The following MACROD2 variants were observed in gnomAD, a reference collection of about 807,000 sequenced individuals.
The protein encoded by MACROD2 is ADP-ribose glycohydrolase MACROD2.
In MACROD2, 36 loss-of-function variants were observed where a neutral mutation model predicts 70.4. The observed-to-expected ratio is 0.51, with a 90% CI of 0.39 to 0.68. The LOEUF (loss-of-function observed/expected upper bound fraction) is 0.68. Ranked by LOEUF, MACROD2 falls within the 30% of genes least tolerant of loss-of-function variation. MACROD2 has a pLI of 0.00. For missense variants in MACROD2, 496 were observed against 538.4 expected (o/e 0.92, Z 0.78); for synonymous variants, 172 against 178.8 (o/e 0.96, Z 0.30).
chr20:15,454,413 ACAC>A (rs2046690047), intron 7 of MACROD2, among the ~76,000 whole-genome samples: 9 of 44,154 alleles, frequency 2.0e-4, no homozygotes, highest in African/African-American at 5.6e-4. Context: ...TCAAACACAC[ACAC>A]ACACACACAC....
intron 5 of MACROD2, among the ~76,000 whole-genome samples, chr20:15,201,514 C>T (rs544029557): frequency 9.2e-5 from 14 of 152,154 alleles, no homozygotes; most frequent in African/African-American, 2.2e-4. Flanking sequence ...TTAGCCAATA[C>T]GTGCAACTGT....
At chr20:15,450,308 TATAAA>T (rs1373794922) in intron 7 of MACROD2, among the ~76,000 whole-genome samples, 2 of 151,920 alleles carry the variant, frequency 1.3e-5, no homozygotes, top group African/African-American at 4.8e-5. Flanking sequence ...TGAAGAAAAA[TATAAA>T]ATACTTAAAA....
intron 3 of MACROD2, among the ~76,000 whole-genome samples, chr20:14,164,106 A>G (rs1601298875): frequency 6.7e-6 from 1 of 150,058 alleles, no homozygotes; most frequent in African/African-American, 2.4e-5. Flanking sequence ...ATAGGGGAGA[A>G]CTTTTTTTTT....
rs199514460 is a variant in MACROD2, at chr20:14,548,441, G to A, written c.301+54933G>A. On this transcript the variant is annotated intron_variant, in intron 4 of 17. Coordinates refer to ENST00000684519, the MANE Select transcript of MACROD2 (RefSeq NM_001351661.2). The stretch of plus-strand genomic sequence containing the variant: ...ACACTATAAAATACATTATCTGGCC[G>A]GGCGCGGTGGCTCACGCCTGTAATC... Among the ~76,000 whole-genome samples the A allele has an allele frequency of 1.4e-4, 2 of 14,586 alleles. 1 individual carries two copies. Among genetic ancestry groups the A allele is most frequent in the Non-Finnish European group, 3.9e-4 (2 of 5,190 alleles). The allele number at this position is 14,586 out of a possible 152,430, so 9.6% of individuals were successfully genotyped here.
At chr20:14,005,970 T>C (rs972850264) in intron 2 of MACROD2, among the ~76,000 whole-genome samples, 4 of 152,212 alleles carry the variant, frequency 2.6e-5, no homozygotes, top group African/African-American at 9.6e-5. Flanking sequence ...TGCCACAAAA[T>C]GATGTTTTGG....
At chr20:14,734,251 C>G (rs1352942063) in intron 5 of MACROD2, among the ~76,000 whole-genome samples, 1 of 151,994 alleles carries the variant, frequency 6.6e-6, no homozygotes, top group Non-Finnish European at 1.5e-5. Context: ...GTAATCCCAG[C>G]ACTTTGGGAG....
intron 8 of MACROD2, among the ~76,000 whole-genome samples, chr20:15,673,589 G>C (rs6079925): frequency 0.34 from 51,130 of 152,014 alleles, 10,079 homozygotes; most frequent in Non-Finnish European, 0.44. Flanking sequence ...CATGGTCTAT[G>C]TCCCAGAGAT....
At chr20:15,094,809 G>C (rs1026538030) in intron 5 of MACROD2, among the ~76,000 whole-genome samples, 15 of 152,076 alleles carry the variant, frequency 9.9e-5, no homozygotes, top group South Asian at 2.1e-4. Context: ...GTAATATTAA[G>C]AATGTCCCTG....
intron 6 of MACROD2, among the ~76,000 whole-genome samples, chr20:15,241,479 T>C (rs1051362950): frequency 2.0e-5 from 3 of 152,200 alleles, no homozygotes; most frequent in African/African-American, 4.8e-5. Context: ...AAGAAGGTGA[T>C]AGAACTGAGT....
chr20:15,088,435 A>G (rs1169632225), intron 5 of MACROD2, among the ~76,000 whole-genome samples: 3 of 31,346 alleles, frequency 9.6e-5, no homozygotes, highest in African/African-American at 2.5e-4. Context: ...ATATATATAT[A>G]TATATATATA....
At chr20:15,407,964 T>C (rs2046026746) in intron 6 of MACROD2, among the ~76,000 whole-genome samples, 1 of 152,088 alleles carries the variant, frequency 6.6e-6, no homozygotes, top group Non-Finnish European at 1.5e-5. Flanking sequence ...CACCCCAAAG[T>C]CTCTCAGCGC....
intron 4 of MACROD2, among the ~76,000 whole-genome samples, chr20:14,652,915 T>G (rs76419679): frequency 0.03 from 4,564 of 152,288 alleles, 100 homozygotes; most frequent in Non-Finnish European, 0.044. Context: ...TGTTCATTTC[T>G]TGCCTGTGTT....
chr20:14,346,169 G>C (rs2083062737), intron 3 of MACROD2, among the ~76,000 whole-genome samples: 1 of 140,740 alleles, frequency 7.1e-6, no homozygotes, highest in Non-Finnish European at 1.5e-5. Flanking sequence ...GCATTTTCTT[G>C]AAGTTTGAAG....
At chr20:15,556,954 A>G (rs2048176353) in intron 8 of MACROD2, among the ~76,000 whole-genome samples, 1 of 152,192 alleles carries the variant, frequency 6.6e-6, no homozygotes, top group African/African-American at 2.4e-5. Context: ...GGCTTTTTCC[A>G]TGAATTTCAA....
chr20:15,849,670 T>A (rs186653870), intron 8 of MACROD2, among the ~76,000 whole-genome samples: 1 of 152,216 alleles, frequency 6.6e-6, no homozygotes, highest in Non-Finnish European at 1.5e-5. Context: ...AATTTTTAAT[T>A]ACTTCAACAA....
intron 8 of MACROD2, among the ~76,000 whole-genome samples, chr20:15,690,269 T>C: frequency 6.6e-6 from 1 of 152,090 alleles, no homozygotes. Context: ...GTAGGTAGCA[T>C]AGACAGTTTT....
intron 5 of MACROD2, among the ~76,000 whole-genome samples, chr20:14,784,781 T>C (rs1259542482): frequency 6.6e-6 from 1 of 151,828 alleles, no homozygotes; most frequent in Non-Finnish European, 1.5e-5. Flanking sequence ...ATTAGATGCT[T>C]TCATTGTTGC....
intron 8 of MACROD2, among the ~76,000 whole-genome samples, chr20:15,660,998 G>A (rs543352057): frequency 3.3e-5 from 5 of 152,174 alleles, no homozygotes; most frequent in African/African-American, 9.6e-5. Context: ...CAGATGTTTC[G>A]GAGTTTGAGC....
chr20:15,047,024 G>C (rs2075399893), intron 5 of MACROD2, among the ~76,000 whole-genome samples: 1 of 152,068 alleles, frequency 6.6e-6, no homozygotes, highest in African/African-American at 2.4e-5. Context: ...TGCATTCATT[G>C]GTTGCCCTTG....
Sources: gnomAD v4.1 joint callset for allele counts (sites outside exome capture counted in the v4.1 genomes callset) on GRCh38, gnomAD v4.1.1 for gene constraint, MANE v1.5 for transcripts, NCBI Gene and HGNC (gene_info 2026-07-23, HGNC 2026-07-21) for gene names.